Variants in PTPRA observed in about 807,000 individuals in gnomAD.
PTPRA encodes the protein receptor-type tyrosine-protein phosphatase alpha.
Under a neutral mutation model 104.8 loss-of-function variants are expected in PTPRA, and 25 were observed. The ratio of observed to expected loss-of-function variants is 0.24; its 90% CI spans 0.17 to 0.33. The LOEUF (loss-of-function observed/expected upper bound fraction) is 0.33. Among genes scored for constraint, PTPRA ranks in the 10% least tolerant of loss-of-function variants. PTPRA has a pLI of 1.00. For missense variants in PTPRA, 765 were observed against 1,015.3 expected (o/e 0.75, Z 3.35); for synonymous variants, 323 against 368.9 (o/e 0.88, Z 1.43).
At position 2,904,986 on chromosome 20, in the gene PTPRA, A is replaced by G. The variant is rs140635892; in HGVS notation, c.-128-18221A>G. Among the ~76,000 whole-genome samples, 453 of 152,322 alleles carry G rather than the reference A, an allele frequency of 3.0e-3. 2 individuals are homozygous for G. The highest frequency in any genetic ancestry group is 0.01 in the African/African-American group (429 of 41,576). On this transcript the variant is annotated intron_variant, in intron 1 of 23. Coordinates refer to ENST00000399903, the MANE Select transcript of PTPRA (RefSeq NM_001385305.1). ...CCTCCAGGCCACAGACCATCCTGTT[A>G]GGAACTGGGCCACACAGCAGGATAT...
Position 3,017,880 on chromosome 20 carries a change from C to T in PTPRA, c.1008C>T (p.Ile336=), listed in dbSNP as rs138065135. ...RMIWEQNTAT[I]VMVTNLKERK... ...TCTGGGAACAAAACACAGCCACCAT[C>T]GTCATGGTTACCAACCTGAAGGAGA... The change falls in exon 13 of 24, where the codon ATC becomes ATT. Residue 336 remains isoleucine (I), a synonymous_variant. Transcript: ENST00000399903. 5.6e-6 allele frequency: 9 copies of T among 1,614,004 alleles called. No homozygotes were observed. In the Middle Eastern group the frequency reaches 6.6e-4, roughly 118 times the overall value.
intron 11 of PTPRA, among the ~76,000 whole-genome samples, chr20:3,008,728 TAAAAAAAAAAAAAAAAC>T (rs1287625717): frequency 3.1e-5 from 2 of 63,670 alleles, no homozygotes; most frequent in Admixed American, 1.8e-4. Flanking sequence ...TCATCTCTAC[TAAAAAAAAAAAAAAAAC>T]AAAAAAAAAA....
chr20:2,930,860 A>G (rs2060478316), intron 2 of PTPRA, among the ~76,000 whole-genome samples: 1 of 152,200 alleles, frequency 6.6e-6, no homozygotes, highest in Non-Finnish European at 1.5e-5. Context: ...GGGGAGGCAT[A>G]GTTCAACCCA....
chr20:2,998,570 A>G (rs2063497593), intron 9 of PTPRA, among the ~76,000 whole-genome samples: 1 of 152,188 alleles, frequency 6.6e-6, no homozygotes, highest in Non-Finnish European at 1.5e-5. Context: ...TACATTGCTT[A>G]GTACGAGGGA....
intron 1 of PTPRA, among the ~76,000 whole-genome samples, chr20:2,903,000 C>G (rs998635539): frequency 7.2e-5 from 11 of 152,158 alleles, no homozygotes; most frequent in African/African-American, 2.4e-4. Flanking sequence ...TACTTAACCT[C>G]TCTGTGCCTC....
the PTPRA span, chr20:2,865,212 A>G: frequency 1.2e-6 from 2 of 1,614,178 alleles, no homozygotes; most frequent in Non-Finnish European, 1.7e-6. This position sits in a 1 kb window ranked among gnomAD's most constrained non-coding sequence, Gnocchi z 5.2. Flanking sequence ...CTGGGGGGCC[A>G]GTTCCTAGAC....
At chr20:3,017,764 C>A in intron 12 of PTPRA, 52 bp from the exon 13 acceptor site, 1 of 1,499,758 alleles carries the variant, frequency 6.7e-7, no homozygotes, top group Non-Finnish European at 9.3e-7. Context: ...AGCCTCCCAG[C>A]ATCTTTCTTC....
intron 3 of PTPRA, among the ~76,000 whole-genome samples, chr20:2,952,386 A>T (rs1164639242): frequency 2.0e-5 from 3 of 152,026 alleles, no homozygotes; most frequent in African/African-American, 7.2e-5. Context: ...ATCTGTTCAA[A>T]TATTTTGCCC....
In PTPRA at chr20:2,953,482, G is replaced by T. The variant is rs763539295; in HGVS notation, c.-7+5458G>T. Among the ~76,000 whole-genome samples the T allele has an allele frequency of 8.6e-5, 13 of 151,842 alleles. No homozygotes were observed. The East Asian group carries it at 1.2e-3, about 14-fold the overall frequency. On this transcript the variant is annotated intron_variant, in intron 3 of 23. Transcript: ENST00000399903. ...GTTAATCAGGATGGTCTCGATCTCCGGACCTTGTGATTCACCCGCCTCAGC... is the reference window on the plus strand; with the variant it reads ...GTTAATCAGGATGGTCTCGATCTCCTGACCTTGTGATTCACCCGCCTCAGC...
chr20:2,873,174 C>T (rs997306779), upstream of PTPRA, among the ~76,000 whole-genome samples: 2 of 152,188 alleles, frequency 1.3e-5, no homozygotes, highest in African/African-American at 2.4e-5. This position sits in a 1 kb window ranked among gnomAD's most constrained non-coding sequence, Gnocchi z 4.4. Flanking sequence ...GCCTCGGTTT[C>T]CTGATCTGTA....
intron 1 of PTPRA, among the ~76,000 whole-genome samples, chr20:2,882,247 A>G (rs576167192): frequency 3.3e-5 from 5 of 151,736 alleles, no homozygotes; most frequent in African/African-American, 7.3e-5. Flanking sequence ...AGCTTCTAGC[A>G]TGTCTCAGTA....
Position 3,027,170 on chromosome 20 carries a change from A to G in PTPRA, c.1758A>G (p.Thr586=), listed in dbSNP as rs772582158. Residue 586 remains threonine, a synonymous_variant, in exon 19 of 24, where the codon ACA becomes ACG. Coordinates refer to ENST00000399903, the MANE Select transcript of PTPRA (RefSeq NM_001385305.1). ...CAGTTAAGCGGGGCGAAGAGAATAC[A>G]GACTATGTGAACGCATCCTTTATTG... ...IIPVKRGEEN[T]DYVNASFIDG... is the part of the protein sequence containing the mutation. 2 of 1,614,198 alleles carry G rather than the reference A, an allele frequency of 1.2e-6. No homozygotes were observed. The highest frequency in any genetic ancestry group is 2.2e-5 in the South Asian group (2 of 91,086).
At chr20:2,905,573 T>C (rs1346520645) in intron 1 of PTPRA, among the ~76,000 whole-genome samples, 1 of 152,140 alleles carries the variant, frequency 6.6e-6, no homozygotes, top group Non-Finnish European at 1.5e-5. Flanking sequence ...AATTAAGTTG[T>C]AGATCTTGAA....
At chr20:2,990,024 AG>A (rs2063101733) in intron 9 of PTPRA, among the ~76,000 whole-genome samples, 1 of 152,220 alleles carries the variant, frequency 6.6e-6, no homozygotes, top group South Asian at 2.1e-4. Flanking sequence ...CTCAAAAAAA[AG>A]AAAAAATGAC....
At chr20:2,924,444 GGAA>G in intron 2 of PTPRA, among the ~76,000 whole-genome samples, 1 of 152,034 alleles carries the variant, frequency 6.6e-6, no homozygotes, top group African/African-American at 2.4e-5. Flanking sequence ...TTGATAACAT[GGAA>G]TTTTATTCAG....
chr20:2,944,001 C>A (rs2061027724), intron 2 of PTPRA, among the ~76,000 whole-genome samples: 1 of 150,766 alleles, frequency 6.6e-6, no homozygotes, highest in South Asian at 2.1e-4. Flanking sequence ...CTGTGAATAT[C>A]AATCAATGCT....
chr20:2,984,449 T>G (rs2062817195), intron 6 of PTPRA, among the ~76,000 whole-genome samples: 1 of 152,216 alleles, frequency 6.6e-6, no homozygotes, highest in Non-Finnish European at 1.5e-5. Flanking sequence ...TCATCCTTCT[T>G]AAGTCTGTAG....
chr20:2,881,432 T>G (rs1298029314), intron 1 of PTPRA, among the ~76,000 whole-genome samples: 1 of 152,228 alleles, frequency 6.6e-6, no homozygotes, highest in Non-Finnish European at 1.5e-5. Flanking sequence ...ACATTTTTTT[T>G]GCAGTGATGT....
chr20:2,977,160 C>T (rs980913421), intron 6 of PTPRA, among the ~76,000 whole-genome samples: 1 of 151,830 alleles, frequency 6.6e-6, no homozygotes, highest in Non-Finnish European at 1.5e-5. Flanking sequence ...CCTGTAATCC[C>T]AGCTACTCGG....
Sources: gnomAD v4.1 joint callset for allele counts (sites outside exome capture counted in the v4.1 genomes callset) on GRCh38, gnomAD v4.1.1 for gene constraint, Gnocchi (gnomAD v3.1) non-coding constraint, MANE v1.5 for transcripts, NCBI Gene and HGNC (gene_info 2026-07-23, HGNC 2026-07-21) for gene names.